FOXP2: variants seen among roughly 807,000 people sequenced by gnomAD.
The protein encoded by FOXP2 is forkhead box protein P2.
A neutral mutation model predicts 115.8 loss-of-function variants in FOXP2; 12 were observed. The ratio of observed to expected loss-of-function variants is 0.10; its 90% CI spans 0.07 to 0.17. FOXP2 has a LOEUF of 0.17. FOXP2 is among the 10% of genes least tolerant of loss of function. FOXP2 has a pLI of 1.00. For synonymous variants in FOXP2, 328 were observed against 297.7 expected, an observed-to-expected ratio of 1.10 and a Z score of -1.05; for missense variants, 629 against 843.5, an observed-to-expected ratio of 0.75 and a Z score of 3.15.
At chr7:114,419,109 G>A (rs991045561) in intron 1 of FOXP2, among the ~76,000 whole-genome samples, 1 of 151,804 alleles carries the variant, frequency 6.6e-6, no homozygotes, top group Admixed American at 6.6e-5. Flanking sequence ...AACTGACTGT[G>A]CATATAAAGG....
intron 1 of FOXP2, among the ~76,000 whole-genome samples, chr7:114,250,240 G>A (rs2129169270): frequency 6.6e-6 from 1 of 152,178 alleles, no homozygotes. Context: ...ATTGTGAATA[G>A]TGCCACAGTA....
intron 2 of FOXP2, among the ~76,000 whole-genome samples, chr7:114,459,090 C>T (rs1562939099): frequency 6.6e-6 from 1 of 152,100 alleles, no homozygotes. Context: ...AGCATAGAGC[C>T]AGTTTTAGTT....
At chr7:114,538,415 A>G (rs1439078768) in intron 3 of FOXP2, 1 of 1,250,146 alleles carries the variant, frequency 8.0e-7, no homozygotes, top group East Asian at 5.6e-5. Context: ...TCTTAGATGA[A>G]TATTAGTTTT....
At chr7:114,250,236 A>G (rs1030639021) in intron 1 of FOXP2, among the ~76,000 whole-genome samples, 2 of 152,128 alleles carry the variant, frequency 1.3e-5, no homozygotes, top group African/African-American at 4.8e-5. Context: ...TGCTATTGTG[A>G]ATAGTGCCAC....
intron 2 of FOXP2, among the ~76,000 whole-genome samples, chr7:114,365,155 A>G (rs1791847668): frequency 6.6e-6 from 1 of 152,154 alleles, no homozygotes; most frequent in Admixed American, 6.5e-5. Flanking sequence ...AAAAATTACA[A>G]TTTAACAAAC....
chr7:114,108,492 C>A (rs1393297508), intron 1 of FOXP2, among the ~76,000 whole-genome samples: 1 of 151,666 alleles, frequency 6.6e-6, no homozygotes, highest in African/African-American at 2.4e-5. Flanking sequence ...GTATTCAAAT[C>A]TAATAGACTG....
intron 1 of FOXP2, among the ~76,000 whole-genome samples, chr7:114,207,686 A>T (rs1794234660): frequency 6.6e-6 from 1 of 152,192 alleles, no homozygotes; most frequent in South Asian, 2.1e-4. Context: ...CTAGCCTCAA[A>T]TCTTTTTTAG....
At chr7:114,647,482 A>T (rs186153253) in intron 8 of FOXP2, among the ~76,000 whole-genome samples, 2 of 151,776 alleles carry the variant, frequency 1.3e-5, no homozygotes, top group Non-Finnish European at 2.9e-5. Flanking sequence ...GGATAAAAAA[A>T]ATTCAGACTA....
At chr7:114,094,900 A>G (rs1351156371) in intron 1 of FOXP2, among the ~76,000 whole-genome samples, 2 of 151,892 alleles carry the variant, frequency 1.3e-5, no homozygotes, top group African/African-American at 4.8e-5. Flanking sequence ...AAAACTATTA[A>G]CTCACACCTA....
At chr7:114,180,187 T>C (rs1191245033) in intron 1 of FOXP2, among the ~76,000 whole-genome samples, 1 of 152,012 alleles carries the variant, frequency 6.6e-6, no homozygotes, top group East Asian at 1.9e-4. Flanking sequence ...TGAAATGATG[T>C]TACTGTTGCT....
chr7:114,434,442 G>T (rs1794249323), intron 2 of FOXP2, among the ~76,000 whole-genome samples: 1 of 146,440 alleles, frequency 6.8e-6, no homozygotes, highest in Admixed American at 6.8e-5. Flanking sequence ...TATATATGGG[G>T]GGGGGGGATA....
intron 3 of FOXP2, among the ~76,000 whole-genome samples, chr7:114,593,887 G>A (rs972919512): frequency 2.6e-5 from 4 of 151,870 alleles, no homozygotes; most frequent in Non-Finnish European, 5.9e-5. Context: ...ATATTTATTA[G>A]TTGATTGAAC....
At chr7:114,688,303 T>TA (rs1200257377) in intron 16 of FOXP2, among the ~76,000 whole-genome samples, 2 of 149,996 alleles carry the variant, frequency 1.3e-5, no homozygotes, top group East Asian at 3.9e-4. Context: ...TCAAACTAGC[T>TA]AAAAAACGTA....
intron 1 of FOXP2, among the ~76,000 whole-genome samples, chr7:114,127,642 A>G (rs1791751510): frequency 2.0e-5 from 3 of 152,228 alleles, no homozygotes; most frequent in Admixed American, 6.5e-5. Flanking sequence ...CCAACAAGGT[A>G]GAAACATGAA....
intron 2 of FOXP2, among the ~76,000 whole-genome samples, chr7:114,509,673 G>T (rs192810178): frequency 6.7e-6 from 1 of 149,316 alleles, no homozygotes; most frequent in Non-Finnish European, 1.5e-5. Context: ...TCTTTGGTGG[G>T]GGGGGGGCTT....
chr7:114,594,138 A>G (rs1017641133), intron 3 of FOXP2, among the ~76,000 whole-genome samples: 2 of 152,064 alleles, frequency 1.3e-5, no homozygotes, highest in Admixed American at 6.6e-5. Flanking sequence ...TTAACCATAT[A>G]TATTAACTCA....
chr7:114,533,745 T>C (rs1455242660), intron 2 of FOXP2, among the ~76,000 whole-genome samples: 2 of 151,894 alleles, frequency 1.3e-5, no homozygotes, highest in Non-Finnish European at 2.9e-5. Flanking sequence ...CTCTTAAAAG[T>C]TTTTGTTAAT....
intron 3 of FOXP2, among the ~76,000 whole-genome samples, chr7:114,587,383 T>G (rs1563017578): frequency 1.3e-5 from 2 of 152,104 alleles, no homozygotes; most frequent in Non-Finnish European, 2.9e-5. Flanking sequence ...CCTATGTTAG[T>G]TTGCTGAGAA....
chr7:114,339,336 TTTAAATGTTA>T (rs1238874705), intron 2 of FOXP2, among the ~76,000 whole-genome samples: 1 of 151,254 alleles, frequency 6.6e-6, no homozygotes, highest in Non-Finnish European at 1.5e-5. Context: ...GTAAGAATGA[TTTAAATGTTA>T]TTAAATGTGA....
Sources: gnomAD v4.1 joint callset for allele counts (sites outside exome capture counted in the v4.1 genomes callset) on GRCh38, gnomAD v4.1.1 for gene constraint, MANE v1.5 for transcripts, NCBI Gene and HGNC (gene_info 2026-07-23, HGNC 2026-07-21) for gene names.